RGL1: variants seen among roughly 807,000 people sequenced by gnomAD.
RGL1 encodes ral guanine nucleotide dissociation stimulator-like 1.
A neutral mutation model predicts 95.2 loss-of-function variants in RGL1; 24 were observed. The observed-to-expected ratio is 0.25, with a 90% CI of 0.18 to 0.35. RGL1 has a LOEUF of 0.35. Among genes scored for constraint, RGL1 ranks in the 10% least tolerant of loss-of-function variants. The probability of loss-of-function intolerance (pLI) is 1.00; values close to 1 mark genes in which losing one functional copy is unlikely to be tolerated. For synonymous variants in RGL1, 329 were observed against 344.9 expected, an observed-to-expected ratio of 0.95 and a Z score of 0.51; for missense variants, 715 against 936.3, an observed-to-expected ratio of 0.76 and a Z score of 3.08.
chr1:183,803,753 A>G (rs1307592924), upstream of RGL1, among the ~76,000 whole-genome samples: 1 of 152,158 alleles, frequency 6.6e-6, no homozygotes, highest in African/African-American at 2.4e-5. Context: ...GTCCAAGATC[A>G]CCTAATAGGT....
At chr1:183,747,557 T>C (rs1017610674) in intron 2 of RGL1, among the ~76,000 whole-genome samples, 6 of 152,340 alleles carry the variant, frequency 3.9e-5, no homozygotes, top group Admixed American at 2.6e-4. Context: ...GACGGAGAGA[T>C]TGCAAAACTT....
intron 1 of RGL1, among the ~76,000 whole-genome samples, chr1:183,707,124 C>T (rs1164376185): frequency 2.0e-5 from 3 of 152,168 alleles, no homozygotes; most frequent in African/African-American, 7.2e-5. Context: ...TCCAGGGGCC[C>T]TGTCTTGATA....
intron 1 of RGL1, among the ~76,000 whole-genome samples, chr1:183,720,961 A>C (rs1466630789): frequency 6.6e-6 from 1 of 152,268 alleles, no homozygotes; most frequent in East Asian, 1.9e-4. Flanking sequence ...ATAACAGAGA[A>C]CACTGGACGA....
chr1:183,866,899 G>A (rs1418012082), intron 4 of RGL1, among the ~76,000 whole-genome samples: 2 of 152,128 alleles, frequency 1.3e-5, no homozygotes, highest in African/African-American at 4.8e-5. Context: ...TAGCAGTGAA[G>A]GTGACCAGCC....
intron 2 of RGL1, among the ~76,000 whole-genome samples, chr1:183,771,814 C>T (rs1659287867): frequency 6.6e-6 from 1 of 152,190 alleles, no homozygotes; most frequent in African/African-American, 2.4e-5. Context: ...CTGCCATGCC[C>T]CCATCCTGGG....
chr1:183,763,810 G>C (rs752042002), intron 2 of RGL1, among the ~76,000 whole-genome samples: 1 of 152,226 alleles, frequency 6.6e-6, no homozygotes, highest in Non-Finnish European at 1.5e-5. Context: ...TTGTTATTGA[G>C]TGAATCAGTG....
At chr1:183,786,989 G>A (rs1029600820) in intron 2 of RGL1, among the ~76,000 whole-genome samples, 6 of 152,202 alleles carry the variant, frequency 3.9e-5, no homozygotes, top group Non-Finnish European at 8.8e-5. Flanking sequence ...TAAACATGCT[G>A]TAGTGATTAA....
intron 15 of RGL1, among the ~76,000 whole-genome samples, 155 bp from the exon 16 acceptor site, chr1:183,916,292 C>T (rs1051896154): frequency 2.6e-5 from 4 of 152,178 alleles, no homozygotes; most frequent in Non-Finnish European, 4.4e-5. Flanking sequence ...ACTCAGAGTA[C>T]TTACACCAGG....
intron 1 of RGL1, among the ~76,000 whole-genome samples, chr1:183,735,791 G>T (rs1656902593): frequency 6.6e-6 from 1 of 152,132 alleles, no homozygotes; most frequent in Non-Finnish European, 1.5e-5. Flanking sequence ...CCCTTCTGAT[G>T]TCTGTCTGTG....
intron 1 of RGL1, among the ~76,000 whole-genome samples, chr1:183,680,358 T>C (rs1205291281): frequency 6.6e-6 from 1 of 152,214 alleles, no homozygotes; most frequent in Non-Finnish European, 1.5e-5. Flanking sequence ...GGTCTTATGT[T>C]GAAGTCTTTA....
chr1:183,637,131 A>G (rs1044673362), intron 1 of RGL1, among the ~76,000 whole-genome samples: 1 of 152,256 alleles, frequency 6.6e-6, no homozygotes, highest in Non-Finnish European at 1.5e-5. Context: ...AATGGAGCTA[A>G]TAATGTGCAC....
intron 1 of RGL1, among the ~76,000 whole-genome samples, chr1:183,639,680 T>C (rs763250062): frequency 1.4e-5 from 2 of 145,172 alleles, no homozygotes; most frequent in Non-Finnish European, 3.0e-5. Context: ...CTGAAACTTA[T>C]CAACTAAAAA....
chr1:183,888,702 C>T (rs1667257365), intron 8 of RGL1, 125 bp downstream of exon 8: 1 of 642,644 alleles, frequency 1.6e-6, no homozygotes, highest in African/African-American at 1.8e-5. Context: ...CTGTGTGTTT[C>T]AGGCAGGGTG....
intron 2 of RGL1, among the ~76,000 whole-genome samples, chr1:183,771,313 A>C (rs976229760): frequency 9.9e-5 from 15 of 151,722 alleles, no homozygotes; most frequent in African/African-American, 3.6e-4. Flanking sequence ...AAAAAAAAAA[A>C]CAAGAAAAAA....
intron 13 of RGL1, among the ~76,000 whole-genome samples, chr1:183,906,534 G>A (rs534284945): frequency 6.6e-6 from 1 of 151,930 alleles, no homozygotes; most frequent in South Asian, 2.1e-4. Context: ...GTTCATTGAC[G>A]ATCAGATAGA....
chr1:183,860,877 TGAATGA>T (rs1319002619), intron 3 of RGL1, among the ~76,000 whole-genome samples: 1 of 152,246 alleles, frequency 6.6e-6, no homozygotes, highest in African/African-American at 2.4e-5. Flanking sequence ...TAATCCTCAT[TGAATGA>T]GGACTAAATG....
chr1:183,734,574 A>T (rs1309720083), intron 1 of RGL1, among the ~76,000 whole-genome samples: 1 of 152,166 alleles, frequency 6.6e-6, no homozygotes, highest in African/African-American at 2.4e-5. Context: ...CTTCAACTTG[A>T]TAAAAATTAG....
chr1:183,769,065 AT>A (rs1659144048), intron 2 of RGL1, among the ~76,000 whole-genome samples: 1 of 152,222 alleles, frequency 6.6e-6, no homozygotes, highest in Non-Finnish European at 1.5e-5. Flanking sequence ...TTTCTATTTC[AT>A]TCAGTTTTTT....
intron 1 of RGL1, among the ~76,000 whole-genome samples, chr1:183,717,535 C>T (rs148262131): frequency 3.0e-4 from 46 of 152,124 alleles, no homozygotes; most frequent in African/African-American, 1.0e-3. Flanking sequence ...TAACTTATAG[C>T]CTGATAGTGA....
Sources: gnomAD v4.1 joint callset for allele counts (sites outside exome capture counted in the v4.1 genomes callset) on GRCh38, gnomAD v4.1.1 for gene constraint, MANE v1.5 for transcripts, NCBI Gene and HGNC (gene_info 2026-07-23, HGNC 2026-07-21) for gene names.